The following SASH1 variants were observed in gnomAD, a reference collection of about 807,000 sequenced individuals.
SASH1 encodes SAM and SH3 domain containing 1, also known as SAM and SH3 domain-containing protein 1.
A neutral mutation model predicts 125.2 loss-of-function variants in SASH1; 44 were observed. That is an observed-to-expected ratio of 0.35 (90% CI 0.28 to 0.45). The LOEUF (loss-of-function observed/expected upper bound fraction) is 0.45. Ranked by LOEUF, SASH1 falls within the 20% of genes least tolerant of loss-of-function variation. SASH1 has a pLI of 1.00. For missense variants in SASH1, 1,426 were observed against 1,614.5 expected (o/e 0.88, Z 2.00); for synonymous variants, 639 against 649.1 (o/e 0.98, Z 0.24).
At chr6:148,509,269 C>T (rs1049886072) in intron 8 of SASH1, 1 of 220,840 alleles carries the variant, frequency 4.5e-6, no homozygotes, top group African/African-American at 2.3e-5. Flanking sequence ...ACACAGCCGA[C>T]CTAGAAAGCT....
chr6:148,325,897 T>C (rs1389357954), intron 1 of SASH1, among the ~76,000 whole-genome samples: 1 of 152,176 alleles, frequency 6.6e-6, no homozygotes, highest in Admixed American at 6.5e-5. Context: ...AGCATGACTC[T>C]TGCAAATTGT....
chr6:148,259,047 T>C, the SASH1 span, among the ~76,000 whole-genome samples: 1 of 152,242 alleles, frequency 6.6e-6, no homozygotes, highest in Non-Finnish European at 1.5e-5. Flanking sequence ...CCTAGTATTT[T>C]TCCTGTTTTC....
chr6:148,357,717 G>C (rs1782000656), intron 1 of SASH1, among the ~76,000 whole-genome samples: 1 of 152,056 alleles, frequency 6.6e-6, no homozygotes, highest in Non-Finnish European at 1.5e-5. Context: ...GTAGAAAATA[G>C]AAAGGCCTAC....
chr6:148,366,264 A>G (rs1782453996), intron 1 of SASH1, among the ~76,000 whole-genome samples: 2 of 152,164 alleles, frequency 1.3e-5, no homozygotes, highest in South Asian at 4.1e-4. Flanking sequence ...AGCCTGGGCA[A>G]AAGAGGGAGA....
intron 1 of SASH1, among the ~76,000 whole-genome samples, chr6:148,299,495 C>A (rs1035382974): frequency 1.3e-4 from 19 of 151,826 alleles, no homozygotes; most frequent in Non-Finnish European, 2.4e-4. Context: ...GGTAAAACCT[C>A]ATGTCTGCTA....
intron 9 of SASH1, among the ~76,000 whole-genome samples, chr6:148,517,498 G>A (rs531738284): frequency 1.5e-4 from 23 of 152,282 alleles, no homozygotes; most frequent in Non-Finnish European, 2.6e-4. Context: ...GTACGCTCAA[G>A]TCAGAGAAGG....
chr6:148,490,031 A>C (rs1404266736), intron 8 of SASH1, among the ~76,000 whole-genome samples: 3 of 143,200 alleles, frequency 2.1e-5, no homozygotes, highest in African/African-American at 7.7e-5. Context: ...AAAAAAAAAA[A>C]AACAAGAAAA....
intron 1 of SASH1, among the ~76,000 whole-genome samples, chr6:148,322,917 T>TCTTTCTTTCATTCTTC (rs1452245077): frequency 7.9e-6 from 1 of 126,032 alleles, no homozygotes; most frequent in Non-Finnish European, 1.8e-5. Context: ...TTTCTTTCTT[T>TCTTTCTTTCATTCTTC]TTTCTTTCTC....
rs1005028810 is a variant in SASH1 at position 148,457,565 on chromosome 6, T to C, written c.387-10980T>C. Among the ~76,000 whole-genome samples the C allele has an allele frequency of 1.1e-4, 16 of 152,190 alleles. 1 individual carries two copies. The highest frequency in any genetic ancestry group is 4.6e-4 in the Admixed American group (7 of 15,280). On this transcript the variant is annotated intron_variant, in intron 4 of 19. Coordinates refer to ENST00000367467, the MANE Select transcript of SASH1 (RefSeq NM_015278.5). ...CTTCATACATACAGCAAGGCTAGTT[T>C]TTTTGAGTGTTTTTGTGAGACTGAA...
At chr6:148,333,093 C>G (rs1781041139) in intron 1 of SASH1, among the ~76,000 whole-genome samples, 1 of 152,178 alleles carries the variant, frequency 6.6e-6, no homozygotes, top group South Asian at 2.1e-4. Context: ...CTCTTCCTTA[C>G]TCTGACATAC....
chr6:148,287,935 C>G (rs1779529569), intron 1 of SASH1, among the ~76,000 whole-genome samples: 1 of 152,172 alleles, frequency 6.6e-6, no homozygotes, highest in Non-Finnish European at 1.5e-5. Flanking sequence ...TTAGTCCTCT[C>G]TGGAAAAAGT....
At chr6:148,351,614 A>G (rs1781733101) in intron 1 of SASH1, among the ~76,000 whole-genome samples, 1 of 148,416 alleles carries the variant, frequency 6.7e-6, no homozygotes, top group Non-Finnish European at 1.5e-5. Flanking sequence ...AGAATAAAAA[A>G]TCTTGGGATA....
intron 6 of SASH1, among the ~76,000 whole-genome samples, 163 bp downstream of exon 6, chr6:148,471,666 T>C (rs1778125593): frequency 6.6e-6 from 1 of 152,204 alleles, no homozygotes; most frequent in Admixed American, 6.5e-5. Context: ...TAAGACTTTG[T>C]TCCAGTGATT....
Position 148,484,647 on chromosome 6 carries a change from A to T in SASH1, c.628-2967A>T, listed in dbSNP as rs1475693959. Among the ~76,000 whole-genome samples the T allele has an allele frequency of 1.2e-4, 7 of 56,164 alleles. No homozygotes were observed. The East Asian group carries it at 8.9e-3, about 71-fold the overall frequency. 36.8% of individuals were successfully genotyped at this position (56,164 alleles called of 152,430 possible). A position where few individuals can be genotyped will look rare whatever the true frequency, so the allele number is the denominator to read the frequency against. On this transcript the variant is annotated intron_variant, in intron 7 of 19. Transcript: ENST00000367467. The stretch of plus-strand genomic sequence containing the variant: ...TTAGAGTTGTGTAATTAGGATAATT[A>T]AAAAAAACAGTTGCCAGGTGCGGCG...
At chr6:148,283,616 T>G (rs1562305250) in intron 1 of SASH1, among the ~76,000 whole-genome samples, 1 of 152,000 alleles carries the variant, frequency 6.6e-6, no homozygotes, top group Non-Finnish European at 1.5e-5. Context: ...CTACTAAAAA[T>G]GCAAAAAATT....
intron 2 of SASH1, among the ~76,000 whole-genome samples, chr6:148,430,437 T>C (rs747365620): frequency 6.6e-6 from 1 of 152,224 alleles, no homozygotes; most frequent in Non-Finnish European, 1.5e-5. Flanking sequence ...GTTCAAGCGA[T>C]TCTCCTGCCT....
intron 1 of SASH1, among the ~76,000 whole-genome samples, chr6:148,347,816 T>G (rs1007768638): frequency 6.6e-6 from 1 of 152,094 alleles, no homozygotes; most frequent in East Asian, 1.9e-4. Flanking sequence ...TGCAGGGTTA[T>G]GTACTGGAAG....
intron 16 of SASH1, among the ~76,000 whole-genome samples, 186 bp from the exon 17 acceptor site, chr6:148,540,257 G>A (rs997042856): frequency 3.3e-5 from 5 of 152,164 alleles, no homozygotes; most frequent in African/African-American, 1.2e-4. Flanking sequence ...ATCTTCGTGC[G>A]ATGAATACCT....
At chr6:148,297,573 C>T (rs1779797682) in intron 1 of SASH1, among the ~76,000 whole-genome samples, 1 of 152,154 alleles carries the variant, frequency 6.6e-6, no homozygotes, top group Non-Finnish European at 1.5e-5. Flanking sequence ...GCGGCTTACG[C>T]CTGTAGCACT....
Sources: allele counts gnomAD v4.1 joint callset (sites outside exome capture counted in the v4.1 genomes callset), GRCh38; gene constraint gnomAD v4.1.1; transcripts MANE v1.5; gene names NCBI Gene and HGNC (gene_info 2026-07-23, HGNC 2026-07-21).